Variants in RGS6 observed in about 807,000 individuals in gnomAD.
The protein encoded by RGS6 is regulator of G-protein signaling 6.
A neutral mutation model predicts 78.5 loss-of-function variants in RGS6; 30 were observed. That is an observed-to-expected ratio of 0.38 (90% CI 0.29 to 0.52). The LOEUF (loss-of-function observed/expected upper bound fraction) is 0.52, where lower values mean the gene tolerates loss of function less well. Among genes scored for constraint, RGS6 ranks in the 20% least tolerant of loss-of-function variants. The pLI is 0.85. For synonymous variants in RGS6, 206 were observed against 206.0 expected, an observed-to-expected ratio of 1.00 and a Z score of 0.00; for missense variants, 495 against 609.7, an observed-to-expected ratio of 0.81 and a Z score of 1.98.
At chr14:72,191,736 G>A (rs2097328917) in intron 2 of RGS6, among the ~76,000 whole-genome samples, 1 of 152,198 alleles carries the variant, frequency 6.6e-6, no homozygotes, top group Admixed American at 6.5e-5. Flanking sequence ...TGAGATTTGG[G>A]TGGGGACACA....
At chr14:71,967,229 T>C (rs906467578) in intron 2 of RGS6, among the ~76,000 whole-genome samples, 1 of 149,010 alleles carries the variant, frequency 6.7e-6, no homozygotes, top group African/African-American at 2.6e-5. Context: ...TTATTTGCTA[T>C]ATTAATTACC....
intron 2 of RGS6, among the ~76,000 whole-genome samples, chr14:71,998,941 T>TA (rs1054908062): frequency 7.9e-5 from 12 of 152,190 alleles, no homozygotes; most frequent in Non-Finnish European, 4.4e-5. Context: ...ACTTTATTTA[T>TA]AAAATCAGGC....
chr14:72,518,938 C>T (rs2096990915), intron 15 of RGS6, among the ~76,000 whole-genome samples: 1 of 151,654 alleles, frequency 6.6e-6, no homozygotes, highest in East Asian at 1.9e-4. Flanking sequence ...TGATAACCAC[C>T]TCTCTACACT....
At chr14:72,179,152 T>C (rs1308275554) in intron 2 of RGS6, among the ~76,000 whole-genome samples, 1 of 152,206 alleles carries the variant, frequency 6.6e-6, no homozygotes, top group Non-Finnish European at 1.5e-5. Context: ...AGCCCCCGCA[T>C]TGGAACAGAT....
At chr14:72,351,978 C>A in intron 2 of RGS6, 117 bp from the exon 3 acceptor site, 1 of 716,528 alleles carries the variant, frequency 1.4e-6, no homozygotes, top group Non-Finnish European at 2.3e-6. Context: ...TAGATGGGAG[C>A]TTTTTGTGAT....
intron 2 of RGS6, among the ~76,000 whole-genome samples, chr14:72,303,203 A>C (rs1038420755): frequency 1.3e-5 from 2 of 152,176 alleles, no homozygotes; most frequent in African/African-American, 4.8e-5. Context: ...TATGTAACTA[A>C]AAATACCAAC....
At chr14:71,942,930 G>A (rs535087430) in intron 1 of RGS6, among the ~76,000 whole-genome samples, 1 of 152,306 alleles carries the variant, frequency 6.6e-6, no homozygotes, top group South Asian at 2.1e-4. Context: ...GCATTTCACA[G>A]TAATTTGGTT....
At chr14:71,893,255 T>C in the RGS6 span, among the ~76,000 whole-genome samples, 3 of 152,216 alleles carry the variant, frequency 2.0e-5, no homozygotes, top group Admixed American at 6.5e-5. Context: ...GATCAAGAAT[T>C]TTGTCACTGA....
At chr14:72,005,644 T>C (rs986626497) in intron 2 of RGS6, among the ~76,000 whole-genome samples, 2 of 152,220 alleles carry the variant, frequency 1.3e-5, no homozygotes, top group East Asian at 3.8e-4. Context: ...TTAAAAAAGC[T>C]TTTAATATCT....
chr14:71,934,756 T>C (rs889870901), intron 1 of RGS6, among the ~76,000 whole-genome samples: 1 of 152,236 alleles, frequency 6.6e-6, no homozygotes, highest in African/African-American at 2.4e-5. Flanking sequence ...TGTCTCTTTG[T>C]CTACAGGGAC....
In RGS6 at chr14:72,142,907, G is replaced by C. The variant is rs567814071; in HGVS notation, c.84+178032G>C. On this transcript the variant is annotated intron_variant, in intron 2 of 17. Coordinates refer to ENST00000553525, the MANE Select transcript of RGS6 (RefSeq NM_001204424.2). ...TAAATAAGAGGCAAACAGAGTCTCA[G>C]ATGGATATAAATTAGTATTATTCTT... Among the ~76,000 whole-genome samples the C allele has an allele frequency of 4.6e-5, 7 of 152,274 alleles. No individual in the cohort carries two copies. The East Asian group carries it at 1.4e-3, about 29-fold the overall frequency.
chr14:71,867,514 T>A, the RGS6 span, among the ~76,000 whole-genome samples: 3 of 152,120 alleles, frequency 2.0e-5, no homozygotes, highest in Non-Finnish European at 2.9e-5. Flanking sequence ...GAAAAGCAGC[T>A]GTGTCTCACC....
chr14:72,184,726 G>A (rs1002209345), intron 2 of RGS6, among the ~76,000 whole-genome samples: 9 of 152,156 alleles, frequency 5.9e-5, no homozygotes, highest in African/African-American at 2.2e-4. Context: ...ACTTGGCAAA[G>A]TTTATTATTT....
intron 2 of RGS6, among the ~76,000 whole-genome samples, chr14:72,187,771 A>G (rs34206394): frequency 0.15 from 22,288 of 152,132 alleles, 1,740 homozygotes; most frequent in South Asian, 0.21. Context: ...AAAACAGTCA[A>G]TCTTCATTAT....
chr14:72,275,483 A>G (rs546110393), intron 2 of RGS6, among the ~76,000 whole-genome samples: 25 of 152,332 alleles, frequency 1.6e-4, no homozygotes, highest in African/African-American at 5.5e-4. Context: ...CAGTAGGGGG[A>G]ACTGAAATCC....
At chr14:72,308,328 C>G (rs577275570) in intron 2 of RGS6, among the ~76,000 whole-genome samples, 2 of 152,324 alleles carry the variant, frequency 1.3e-5, no homozygotes, top group Non-Finnish European at 2.9e-5. Flanking sequence ...AACTGTCCTT[C>G]AGGACTCAAC....
intron 2 of RGS6, among the ~76,000 whole-genome samples, chr14:71,984,133 C>A (rs1313092236): frequency 2.6e-5 from 4 of 151,956 alleles, no homozygotes; most frequent in East Asian, 1.9e-4. Flanking sequence ...GCCATTTAAT[C>A]ATCAGAATAG....
intron 3 of RGS6, among the ~76,000 whole-genome samples, chr14:72,437,635 C>T (rs986303185): frequency 6.6e-6 from 1 of 152,352 alleles, no homozygotes; most frequent in Middle Eastern, 3.4e-3. Context: ...TTCCCATTCA[C>T]AGGGTTTTCC....
At chr14:71,921,570 A>G in the RGS6 span, among the ~76,000 whole-genome samples, 4 of 152,252 alleles carry the variant, frequency 2.6e-5, no homozygotes, top group Non-Finnish European at 4.4e-5. Context: ...GACAATGTGG[A>G]TGACCCTGGC....
Sources: allele counts gnomAD v4.1 joint callset (sites outside exome capture counted in the v4.1 genomes callset), GRCh38; gene constraint gnomAD v4.1.1; transcripts MANE v1.5; gene names NCBI Gene and HGNC (gene_info 2026-07-23, HGNC 2026-07-21).